RABGEF1: variants seen among roughly 807,000 people sequenced by gnomAD.
RABGEF1 encodes the protein rab5 GDP/GTP exchange factor.
Under a neutral mutation model 57.3 loss-of-function variants are expected in RABGEF1, and 26 were observed. That is an observed-to-expected ratio of 0.45 (90% CI 0.33 to 0.63). The LOEUF is 0.63. Among genes scored for constraint, RABGEF1 ranks in the 20% least tolerant of loss-of-function variants. The pLI is 0.02. For missense variants in RABGEF1, 464 were observed against 607.6 expected (o/e 0.76, Z 2.48); for synonymous variants, 185 against 210.7 (o/e 0.88, Z 1.06).
At chr7:66,744,667 C>CACA (rs1799795197) in intron 1 of RABGEF1, among the ~76,000 whole-genome samples, 2 of 71,046 alleles carry the variant, frequency 2.8e-5, no homozygotes, top group African/African-American at 1.2e-4. Context: ...GACTCCGTCT[C>CACA]AAAAAAAAAA....
At chr7:66,708,472 G>C (rs1319918721) in intron 1 of RABGEF1, among the ~76,000 whole-genome samples, 1 of 151,864 alleles carries the variant, frequency 6.6e-6, no homozygotes, top group Non-Finnish European at 1.5e-5. Flanking sequence ...ATTTTTAGTA[G>C]AGACGGGGTT....
chr7:66,760,442 A>ATTTTT (rs1024130038), intron 1 of RABGEF1, among the ~76,000 whole-genome samples: 22 of 126,142 alleles, frequency 1.7e-4, no homozygotes, highest in African/African-American at 4.7e-4. Context: ...GTTAGCATGT[A>ATTTTT]TTTTTTTTTT....
upstream of RABGEF1, among the ~76,000 whole-genome samples, chr7:66,739,392 C>T (rs1300571444): frequency 1.3e-5 from 2 of 151,242 alleles, no homozygotes; most frequent in Admixed American, 1.3e-4. Flanking sequence ...CAGTAGCTCA[C>T]ACCTATAATC....
chr7:66,662,189 A>G, the RABGEF1 span, among the ~76,000 whole-genome samples: 5 of 151,948 alleles, frequency 3.3e-5, no homozygotes, highest in African/African-American at 7.3e-5. Context: ...CAGTGAGCCA[A>G]GATCGTACCA....
At chr7:66,765,505 C>G (rs1402258954) in intron 1 of RABGEF1, among the ~76,000 whole-genome samples, 1 of 151,944 alleles carries the variant, frequency 6.6e-6, no homozygotes, top group African/African-American at 2.4e-5. Context: ...GTTAGGGGAC[C>G]AGGGTGTATG....
chr7:66,757,699 C>T (rs1451140332), intron 1 of RABGEF1, among the ~76,000 whole-genome samples: 1 of 152,202 alleles, frequency 6.6e-6, no homozygotes, highest in African/African-American at 2.4e-5. Flanking sequence ...GCAAGCTCCG[C>T]CTGCCAGGTT....
At chr7:66,726,198 A>T (rs1417019471) in intron 2 of RABGEF1, among the ~76,000 whole-genome samples, 1 of 152,142 alleles carries the variant, frequency 6.6e-6, no homozygotes, top group Non-Finnish European at 1.5e-5. Context: ...TCAAATGACT[A>T]TGAGAGTGCC....
the RABGEF1 span, among the ~76,000 whole-genome samples, chr7:66,656,712 C>T: frequency 1.3e-5 from 2 of 151,238 alleles, no homozygotes; most frequent in Non-Finnish European, 2.9e-5. Flanking sequence ...CCCAGTTACT[C>T]AGGAGGCTGA....
At chr7:66,699,900 T>C (rs572353824) in intron 1 of RABGEF1, among the ~76,000 whole-genome samples, 5 of 152,128 alleles carry the variant, frequency 3.3e-5, no homozygotes, top group African/African-American at 1.2e-4. Flanking sequence ...CCCAGGGCCA[T>C]TGGAGAATGA....
intron 1 of RABGEF1, among the ~76,000 whole-genome samples, chr7:66,683,557 C>T (rs1790118879): frequency 6.6e-6 from 1 of 151,980 alleles, no homozygotes; most frequent in Non-Finnish European, 1.5e-5. Context: ...AGATGGAGCA[C>T]CGAGGAAGGA....
intron 4 of RABGEF1, among the ~76,000 whole-genome samples, chr7:66,791,651 A>G (rs1812688940): frequency 1.3e-5 from 2 of 152,246 alleles, no homozygotes; most frequent in Admixed American, 1.3e-4. Flanking sequence ...GAAAATAGTC[A>G]AAGGTTTTCA....
chr7:66,757,163 T>TA (rs1215138984), intron 1 of RABGEF1, among the ~76,000 whole-genome samples: 1 of 152,244 alleles, frequency 6.6e-6, no homozygotes, highest in Non-Finnish European at 1.5e-5. Flanking sequence ...CACATTATGT[T>TA]AAGTATATTT....
chr7:66,733,941 G>A (rs1465245976), intron 2 of RABGEF1, among the ~76,000 whole-genome samples: 1 of 152,126 alleles, frequency 6.6e-6, no homozygotes, highest in Non-Finnish European at 1.5e-5. Flanking sequence ...GGAGGTGGAG[G>A]TTGCAGTGAG....
At chr7:66,707,013 C>T (rs1794200902) in intron 1 of RABGEF1, among the ~76,000 whole-genome samples, 1 of 151,780 alleles carries the variant, frequency 6.6e-6, no homozygotes, top group Non-Finnish European at 1.5e-5. Context: ...TCTCGATCTC[C>T]TGGCCTCGTG....
At chr7:66,795,437 A>G in intron 4 of RABGEF1, 74 bp from the exon 5 acceptor site, 1 of 1,305,338 alleles carries the variant, frequency 7.7e-7, no homozygotes, top group Non-Finnish European at 1.1e-6. Context: ...GGCTTTTGGA[A>G]AGTTCTTAGA....
chr7:66,683,330 A>G (rs1251413157), intron 1 of RABGEF1, among the ~76,000 whole-genome samples: 2 of 152,194 alleles, frequency 1.3e-5, no homozygotes, highest in African/African-American at 2.4e-5. Flanking sequence ...CTTGCCAGAG[A>G]TGCAAGAAGA....
intron 4 of RABGEF1, 137 bp from the exon 5 acceptor site, chr7:66,795,374 C>T: frequency 1.5e-6 from 1 of 684,236 alleles, no homozygotes; most frequent in Middle Eastern, 3.9e-4. Context: ...TACTCTCCTG[C>T]AGGATTAATA....
chr7:66,692,901 C>G (rs919522480), intron 1 of RABGEF1, among the ~76,000 whole-genome samples: 2 of 152,206 alleles, frequency 1.3e-5, no homozygotes, highest in African/African-American at 2.4e-5. Context: ...GACCCTACCC[C>G]CCAGGCTTGA....
At chr7:66,681,712 C>T (rs1249423108), upstream of RABGEF1, among the ~76,000 whole-genome samples, 2 of 152,202 alleles carry the variant, frequency 1.3e-5, no homozygotes, top group Non-Finnish European at 2.9e-5. Context: ...GACCCTTTAA[C>T]TCGAACACCT....
Sources: allele counts gnomAD v4.1 joint callset (sites outside exome capture counted in the v4.1 genomes callset), GRCh38; gene constraint gnomAD v4.1.1; transcripts MANE v1.5; gene names NCBI Gene and HGNC (gene_info 2026-07-23, HGNC 2026-07-21).